The following LHFPL6 variants were observed in gnomAD, a reference collection of about 807,000 sequenced individuals.
LHFPL6 encodes the protein LHFPL tetraspan subfamily member 6.
LHFPL6 carries 9 observed loss-of-function variants against 20.6 expected under a neutral mutation model. That is an observed-to-expected ratio of 0.44 (90% confidence interval 0.26 to 0.76). The LOEUF (loss-of-function observed/expected upper bound fraction) is 0.76, where lower values mean the gene tolerates loss of function less well. LHFPL6 is among the 30% of genes least tolerant of loss of function. LHFPL6 has a pLI of 0.20. For synonymous variants in LHFPL6, 105 were observed against 98.7 expected (o/e 1.06, Z -0.38); for missense variants, 218 against 253.5 (o/e 0.86, Z 0.95).
Position 39,343,120 on chromosome 13 carries a change from T to C in LHFPL6, c.*816A>G, listed in dbSNP as rs1390256968. On this transcript the variant is annotated 3_prime_UTR_variant, in exon 4 of 4. Transcript: ENST00000379589. The stretch of plus-strand genomic sequence containing the variant: ...AAGTTGCCCCTTTTCTTCATAAGAA[T>C]ATCATAGCAGAAGCTACTCAGAGAA... 1 of 203,114 alleles carries C rather than the reference T, an allele frequency of 4.9e-6. No individual in the cohort carries two copies. The highest frequency in any genetic ancestry group is 7.6e-5 in the East Asian group (1 of 13,132). 12.6% of individuals were successfully genotyped at this position (203,114 alleles called of 1,614,324 possible). A position where few individuals can be genotyped will look rare whatever the true frequency, so the allele number is the denominator to read the frequency against.
intron 2 of LHFPL6, among the ~76,000 whole-genome samples, chr13:39,535,998 T>C (rs1428156500): frequency 1.3e-5 from 2 of 152,132 alleles, no homozygotes; most frequent in East Asian, 3.9e-4. Context: ...TATTTGACAC[T>C]ACATAGGAAA....
At chr13:39,412,922 CAA>C (rs11398965) in intron 2 of LHFPL6, among the ~76,000 whole-genome samples, 5 of 141,628 alleles carry the variant, frequency 3.5e-5, no homozygotes, top group Admixed American at 1.4e-4. Flanking sequence ...ACTCCCGTCT[CAA>C]AAAAAAAAAA....
At chr13:39,423,952 C>G (rs2138398380) in intron 2 of LHFPL6, among the ~76,000 whole-genome samples, 1 of 152,210 alleles carries the variant, frequency 6.6e-6, no homozygotes, top group African/African-American at 2.4e-5. Flanking sequence ...AATTGAGAAA[C>G]TGCAACAGTA....
chr13:39,535,687 C>T (rs1177038126), intron 2 of LHFPL6, among the ~76,000 whole-genome samples: 1 of 152,098 alleles, frequency 6.6e-6, no homozygotes, highest in Non-Finnish European at 1.5e-5. Context: ...TGAAGTTGAC[C>T]TACATAGACA....
At chr13:39,560,502 C>CTAT (rs757937456) in intron 2 of LHFPL6, among the ~76,000 whole-genome samples, 1 of 93,272 alleles carries the variant, frequency 1.1e-5, no homozygotes, top group African/African-American at 3.9e-5. Context: ...TATGCAAATT[C>CTAT]TCTTTTTTTT....
intron 2 of LHFPL6, among the ~76,000 whole-genome samples, chr13:39,478,700 CAGAG>C (rs1868392909): frequency 6.6e-6 from 1 of 152,020 alleles, no homozygotes; most frequent in Admixed American, 6.6e-5. Flanking sequence ...AGCAAAAAGG[CAGAG>C]AAATAAGTAA....
chr13:39,423,769 G>A (rs546696990), intron 2 of LHFPL6, among the ~76,000 whole-genome samples: 3 of 152,310 alleles, frequency 2.0e-5, no homozygotes, highest in Non-Finnish European at 2.9e-5. Context: ...ATAAAGTAGT[G>A]CCAGGGCACA....
At chr13:39,562,499 T>C (rs202104601) in intron 2 of LHFPL6, among the ~76,000 whole-genome samples, 5,270 of 84,230 alleles carry the variant, frequency 0.063, 199 homozygotes, top group South Asian at 0.15. Context: ...CACATATACA[T>C]ATATACATAT....
chr13:39,456,331 GCA>G (rs1234412152), intron 2 of LHFPL6, among the ~76,000 whole-genome samples: 2 of 152,154 alleles, frequency 1.3e-5, no homozygotes, highest in South Asian at 2.1e-4. Flanking sequence ...ATATTAGATA[GCA>G]CTTTACTCCC....
At chr13:39,462,835 G>A (rs1381488912) in intron 2 of LHFPL6, among the ~76,000 whole-genome samples, 1 of 152,164 alleles carries the variant, frequency 6.6e-6, no homozygotes, top group Non-Finnish European at 1.5e-5. Context: ...GGAACAAGGT[G>A]AAAATTGCCC....
chr13:39,406,760 T>C (rs1168212106), intron 2 of LHFPL6, among the ~76,000 whole-genome samples: 3 of 152,256 alleles, frequency 2.0e-5, no homozygotes, highest in Non-Finnish European at 4.4e-5. Flanking sequence ...TTTAATATTA[T>C]GGGGTGATTC....
intron 2 of LHFPL6, among the ~76,000 whole-genome samples, chr13:39,566,934 T>G (rs1014899073): frequency 1.3e-5 from 2 of 151,852 alleles, no homozygotes; most frequent in African/African-American, 4.8e-5. Context: ...AGGTTTATAA[T>G]CACACATGCC....
At chr13:39,404,093 G>A (rs940875180) in intron 2 of LHFPL6, among the ~76,000 whole-genome samples, 1 of 152,224 alleles carries the variant, frequency 6.6e-6, no homozygotes. Flanking sequence ...TGTGTGAACT[G>A]CTTTGTGCCT....
At chr13:39,595,627 G>T (rs1032117377) in intron 2 of LHFPL6, among the ~76,000 whole-genome samples, 1 of 152,080 alleles carries the variant, frequency 6.6e-6, no homozygotes, top group Admixed American at 6.6e-5. Context: ...GGCTGGCAAA[G>T]CCCCACTCCC....
At chr13:39,450,423 T>A (rs1312991217) in intron 2 of LHFPL6, among the ~76,000 whole-genome samples, 1 of 152,194 alleles carries the variant, frequency 6.6e-6, no homozygotes, top group Non-Finnish European at 1.5e-5. Flanking sequence ...GTTTAGTCAG[T>A]TTAATGAGTT....
chr13:39,374,041 A>T (rs2138355867), intron 3 of LHFPL6, among the ~76,000 whole-genome samples: 1 of 152,258 alleles, frequency 6.6e-6, no homozygotes, highest in African/African-American at 2.4e-5. Flanking sequence ...TACAAAAGAA[A>T]ATAAATCATT....
intron 2 of LHFPL6, among the ~76,000 whole-genome samples, chr13:39,422,337 G>A (rs990625965): frequency 1.3e-5 from 2 of 152,062 alleles, no homozygotes; most frequent in Non-Finnish European, 2.9e-5. Flanking sequence ...AGTGGCTCAC[G>A]CCTGTAATCC....
At position 39,600,798 on chromosome 13, in the gene LHFPL6, C is replaced by T. The variant is rs41286957; in HGVS notation, c.385+34G>A. On this transcript the variant is annotated intron_variant, in intron 2 of 3. Transcript: ENST00000379589. ...TAACTTTTAATACTGCTTTGGGATT[C>T]CAGTAAACAACTCAAGCTCAGCAAG... 3,619 of 1,456,100 alleles carry T rather than the reference C, an allele frequency of 2.5e-3. 8 individuals carry two copies. Among genetic ancestry groups the T allele is most frequent in the Middle Eastern group, 0.012 (67 of 5,400 alleles). The allele number at this position is 1,456,100 out of a possible 1,614,324, so 90.2% of individuals were successfully genotyped here.
chr13:39,546,572 C>CA (rs1387591437), intron 2 of LHFPL6, among the ~76,000 whole-genome samples: 1 of 152,118 alleles, frequency 6.6e-6, no homozygotes, highest in Admixed American at 6.5e-5. Flanking sequence ...CTGGGTTTTA[C>CA]AACCCTCCAG....
Sources: allele counts gnomAD v4.1 joint callset (sites outside exome capture counted in the v4.1 genomes callset), GRCh38; gene constraint gnomAD v4.1.1; transcripts MANE v1.5; gene names NCBI Gene and HGNC (gene_info 2026-07-23, HGNC 2026-07-21).